MIPOL1: variants seen among roughly 807,000 people sequenced by gnomAD.
MIPOL1 encodes mirror-image polydactyly gene 1 protein.
In MIPOL1, 57 loss-of-function variants were observed where a neutral mutation model predicts 60.9. The ratio of observed to expected loss-of-function variants is 0.94; its 90% CI spans 0.76 to 1.17. The LOEUF is 1.17. Among genes scored for constraint, MIPOL1 ranks in the 50% most tolerant of loss-of-function variants. The pLI is 0.00. For synonymous variants in MIPOL1, 179 were observed against 168.8 expected, an observed-to-expected ratio of 1.06 and a Z score of -0.47; for missense variants, 551 against 511.6, an observed-to-expected ratio of 1.08 and a Z score of -0.74.
At chr14:37,530,062 T>C (rs1464553964) in intron 12 of MIPOL1, among the ~76,000 whole-genome samples, 2 of 152,190 alleles carry the variant, frequency 1.3e-5, no homozygotes, top group Non-Finnish European at 2.9e-5. Context: ...TAAGAAGTCA[T>C]GATAGTATAG....
At chr14:37,497,707 A>G (rs912259418) in intron 11 of MIPOL1, among the ~76,000 whole-genome samples, 4 of 152,194 alleles carry the variant, frequency 2.6e-5, no homozygotes, top group African/African-American at 4.8e-5. Context: ...ACATAAGACA[A>G]TACGAAGAGA....
intron 10 of MIPOL1, among the ~76,000 whole-genome samples, chr14:37,390,027 C>G (rs1401475451): frequency 2.0e-5 from 3 of 151,868 alleles, no homozygotes; most frequent in Non-Finnish European, 4.4e-5. Flanking sequence ...GGGTGAAACC[C>G]TGTCTCTACT....
intron 9 of MIPOL1, 33 bp from the exon 10 acceptor site, chr14:37,369,484 C>A: frequency 6.6e-7 from 1 of 1,512,446 alleles, no homozygotes; most frequent in South Asian, 1.1e-5. Context: ...TGCTATAACT[C>A]CTTTACTTAA....
chr14:37,400,659 G>A (rs1051053052), intron 10 of MIPOL1: 2 of 152,072 alleles, frequency 1.3e-5, no homozygotes, highest in Non-Finnish European at 2.9e-5. Flanking sequence ...GCAATGGAAT[G>A]GAGGTTATTT....
intron 6 of MIPOL1, among the ~76,000 whole-genome samples, chr14:37,284,217 C>G (rs867120831): frequency 6.6e-6 from 1 of 152,116 alleles, no homozygotes; most frequent in African/African-American, 2.4e-5. Flanking sequence ...AACAGCACAG[C>G]ATTGTCCTAT....
At chr14:37,459,844 G>A (rs1227101028) in intron 11 of MIPOL1, among the ~76,000 whole-genome samples, 1 of 152,144 alleles carries the variant, frequency 6.6e-6, no homozygotes, top group Non-Finnish European at 1.5e-5. Context: ...GGAGGCCGGG[G>A]TGGGCAGATA....
chr14:37,434,083 T>C (rs2094123482), intron 11 of MIPOL1, among the ~76,000 whole-genome samples: 1 of 152,196 alleles, frequency 6.6e-6, no homozygotes, highest in African/African-American at 2.4e-5. Context: ...GTATTTCTGG[T>C]TCTAGATCCT....
At chr14:37,534,970 A>G (rs1350090239) in intron 12 of MIPOL1, among the ~76,000 whole-genome samples, 1 of 152,182 alleles carries the variant, frequency 6.6e-6, no homozygotes, top group Non-Finnish European at 1.5e-5. Flanking sequence ...AATTATACCA[A>G]AGGTAGTATT....
intron 1 of MIPOL1, among the ~76,000 whole-genome samples, chr14:37,234,419 A>G (rs926461415): frequency 1.4e-5 from 2 of 143,836 alleles, no homozygotes; most frequent in Non-Finnish European, 3.0e-5. Flanking sequence ...TCGAACTCCT[A>G]GGCTCAAGTG....
At chr14:37,393,315 T>C (rs2093293188) in intron 10 of MIPOL1, among the ~76,000 whole-genome samples, 1 of 151,676 alleles carries the variant, frequency 6.6e-6, no homozygotes, top group African/African-American at 2.4e-5. Context: ...AGGAAACTAA[T>C]ACAGTGCCTT....
intron 11 of MIPOL1, among the ~76,000 whole-genome samples, chr14:37,474,153 T>C (rs2153592193): frequency 6.6e-6 from 1 of 152,358 alleles, no homozygotes; most frequent in African/African-American, 2.4e-5. Flanking sequence ...ATAGTTTGTT[T>C]ATATATTCAC....
intron 7 of MIPOL1, among the ~76,000 whole-genome samples, chr14:37,292,465 C>CTTTTTT (rs34055899): frequency 0.022 from 1,394 of 63,444 alleles, 115 homozygotes; most frequent in Non-Finnish European, 0.03. Context: ...CCTTAATAAA[C>CTTTTTT]TTTTTTTTTT....
intron 9 of MIPOL1, among the ~76,000 whole-genome samples, chr14:37,329,890 A>G (rs892359722): frequency 3.9e-5 from 6 of 152,146 alleles, no homozygotes; most frequent in African/African-American, 1.4e-4. Context: ...TTTACTTAAG[A>G]ACCAACTCAT....
At chr14:37,235,131 T>C (rs1342275320) in intron 1 of MIPOL1, among the ~76,000 whole-genome samples, 3 of 152,046 alleles carry the variant, frequency 2.0e-5, no homozygotes, top group Non-Finnish European at 4.4e-5. Flanking sequence ...CTTTTTTTCA[T>C]GATGCCCTTA....
intron 7 of MIPOL1, among the ~76,000 whole-genome samples, chr14:37,293,608 C>A (rs920421414): frequency 1.3e-5 from 2 of 152,130 alleles, no homozygotes; most frequent in Non-Finnish European, 2.9e-5. Flanking sequence ...TCACTCCCAC[C>A]CTAATACTAC....
At chr14:37,465,921 A>G (rs1741959836) in intron 11 of MIPOL1, among the ~76,000 whole-genome samples, 1 of 152,180 alleles carries the variant, frequency 6.6e-6, no homozygotes, top group African/African-American at 2.4e-5. Flanking sequence ...TAAAACTTAA[A>G]TCTTAGGATA....
chr14:37,428,634 T>A (rs12893226), intron 11 of MIPOL1, among the ~76,000 whole-genome samples: 34,362 of 150,662 alleles, frequency 0.23, 4,446 homozygotes, highest in South Asian at 0.36. Context: ...GCCTTTTTTT[T>A]AAAAAAGTGG....
At chr14:37,305,126 A>G (rs1171668050) in intron 7 of MIPOL1, among the ~76,000 whole-genome samples, 3 of 151,816 alleles carry the variant, frequency 2.0e-5, no homozygotes, top group Non-Finnish European at 4.4e-5. Flanking sequence ...CTTTTCTGAA[A>G]AGGCAAGTTG....
chr14:37,366,682 A>G (rs1293920979), intron 9 of MIPOL1, among the ~76,000 whole-genome samples: 2 of 152,030 alleles, frequency 1.3e-5, no homozygotes, highest in Non-Finnish European at 2.9e-5. Flanking sequence ...TGTAGTTCAG[A>G]TTCAGTCCGA....
Sources: allele counts gnomAD v4.1 joint callset (sites outside exome capture counted in the v4.1 genomes callset), GRCh38; gene constraint gnomAD v4.1.1; transcripts MANE v1.5; gene names NCBI Gene and HGNC (gene_info 2026-07-23, HGNC 2026-07-21).